Variants in IL1RAPL1 observed in about 807,000 individuals in gnomAD.
IL1RAPL1 encodes the protein interleukin 1 receptor accessory protein like 1.
In IL1RAPL1, 3 loss-of-function variants were observed where a neutral mutation model predicts 48.4. That is an observed-to-expected ratio of 0.06 (90% CI 0.03 to 0.16). IL1RAPL1 has a LOEUF of 0.16. Ranked by LOEUF, IL1RAPL1 falls within the 10% of genes least tolerant of loss-of-function variation. The probability of loss-of-function intolerance (pLI) is 1.00; values close to 1 mark genes in which losing one functional copy is unlikely to be tolerated. For synonymous variants in IL1RAPL1, 185 were observed against 187.7 expected, an observed-to-expected ratio of 0.99 and a Z score of 0.12; for missense variants, 349 against 530.6, an observed-to-expected ratio of 0.66 and a Z score of 3.36.
intron 2 of IL1RAPL1, among the ~76,000 whole-genome samples, chrX:28,999,238 TCACA>T (rs894669845): frequency 9.0e-6 from 1 of 111,360 alleles, no homozygotes; most frequent in Non-Finnish European, 1.9e-5. Flanking sequence ...ACACACACAC[TCACA>T]CACACAGAAT....
At chrX:29,069,524 A>T (rs1029630285) in intron 2 of IL1RAPL1, among the ~76,000 whole-genome samples, 5 of 109,259 alleles carry the variant, frequency 4.6e-5, no homozygotes, top group African/African-American at 1.7e-4. Context: ...TTCCTAATCC[A>T]TTATTTTGTT....
At chrX:29,013,845 C>A (rs1254409095) in intron 2 of IL1RAPL1, among the ~76,000 whole-genome samples, 9 of 110,378 alleles carry the variant, frequency 8.2e-5, no homozygotes, top group African/African-American at 3.0e-4. Flanking sequence ...ACCTGCACAT[C>A]CTGCACATGT....
chrX:28,830,323 G>A (rs1921013874), intron 2 of IL1RAPL1, among the ~76,000 whole-genome samples: 1 of 111,631 alleles, frequency 9.0e-6, no homozygotes, highest in African/African-American at 3.3e-5. Flanking sequence ...ACTTGTTACA[G>A]GTCTATTTAC....
At chrX:29,094,654 A>C (rs1257694934) in intron 2 of IL1RAPL1, among the ~76,000 whole-genome samples, 2 of 101,752 alleles carry the variant, frequency 2.0e-5, no homozygotes, top group Non-Finnish European at 4.0e-5. Flanking sequence ...ACCTGTAATC[A>C]TAGCTACTCG....
chrX:29,043,999 G>A (rs766445324), intron 2 of IL1RAPL1, among the ~76,000 whole-genome samples: 3 of 111,806 alleles, frequency 2.7e-5, no homozygotes, highest in Non-Finnish European at 5.6e-5. Context: ...GCTCCCCTGG[G>A]TTATAGCAAT....
intron 5 of IL1RAPL1, among the ~76,000 whole-genome samples, chrX:29,659,381 A>G (rs753453649): frequency 8.9e-6 from 1 of 111,909 alleles, no homozygotes; most frequent in African/African-American, 3.3e-5. Flanking sequence ...ACAGATTTTC[A>G]TACTATTTTA....
At chrX:28,970,381 T>C (rs1925040797) in intron 2 of IL1RAPL1, among the ~76,000 whole-genome samples, 1 of 112,593 alleles carries the variant, frequency 8.9e-6, no homozygotes, top group Non-Finnish European at 1.9e-5. Context: ...GATTTAGAAA[T>C]GAACAAAATG....
intron 5 of IL1RAPL1, among the ~76,000 whole-genome samples, chrX:29,405,429 G>C (rs1409281924): frequency 2.1e-5 from 2 of 95,705 alleles, no homozygotes; most frequent in African/African-American, 4.9e-5. Context: ...TGCAGTGGCG[G>C]GATCTCGGCT....
chrX:29,339,106 A>ACACACACACACACG (rs1191440275), intron 3 of IL1RAPL1, among the ~76,000 whole-genome samples: 1 of 109,950 alleles, frequency 9.1e-6, no homozygotes, highest in Non-Finnish European at 1.9e-5. Flanking sequence ...ACACACACAC[A>ACACACACACACACG]CACACACGCA....
At chrX:29,736,075 A>G (rs765326226) in intron 6 of IL1RAPL1, among the ~76,000 whole-genome samples, 2 of 112,660 alleles carry the variant, frequency 1.8e-5, no homozygotes, top group African/African-American at 6.4e-5. Flanking sequence ...AAGAAAACCT[A>G]TGAGAACACT....
At position 29,955,313 on chromosome X, in the gene IL1RAPL1, G is replaced by A; in HGVS notation, c.1584G>A (p.Lys528=). The A allele has an allele frequency of 1.7e-6, 2 of 1,211,300 alleles. No homozygotes were observed. Among genetic ancestry groups the A allele is most frequent in the Non-Finnish European group, 2.2e-6 (2 of 895,161 alleles). The change falls in exon 11 of 11, where the codon AAG becomes AAA. Residue 528 remains lysine (K), a synonymous_variant. Transcript: ENST00000378993. ...IMNYQEVEAL[K]HTIKLLTVIK... ...ACTACCAGGAGGTGGAGGCCCTGAA[G>A]CACACCATCAAGCTCCTGACGGTCA...
At chrX:29,011,165 C>T (rs1926113251) in intron 2 of IL1RAPL1, among the ~76,000 whole-genome samples, 1 of 111,601 alleles carries the variant, frequency 9.0e-6, no homozygotes, top group Non-Finnish European at 1.9e-5. Flanking sequence ...GGGACCAACT[C>T]TTTGTGCGGA....
chrX:29,802,800 T>TGTATAC (rs1378006953), intron 6 of IL1RAPL1, among the ~76,000 whole-genome samples: 17 of 65,662 alleles, frequency 2.6e-4, no homozygotes, highest in African/African-American at 1.4e-3. Flanking sequence ...TGTATATATA[T>TGTATAC]ATATATATAT....
At chrX:29,524,835 C>T (rs1407153746) in intron 5 of IL1RAPL1, among the ~76,000 whole-genome samples, 1 of 112,223 alleles carries the variant, frequency 8.9e-6, no homozygotes, top group African/African-American at 3.2e-5. Context: ...CCATTAAAGA[C>T]AGATCTCTGC....
chrX:29,183,647 AG>A (rs77002115), intron 2 of IL1RAPL1, among the ~76,000 whole-genome samples: 5,536 of 111,908 alleles, frequency 0.049, 131 homozygotes, highest in African/African-American at 0.093. Context: ...CTACTGAATG[AG>A]ATGCCCTCCT....
At chrX:28,679,255 G>A (rs769459398) in intron 1 of IL1RAPL1, among the ~76,000 whole-genome samples, 5 of 111,757 alleles carry the variant, frequency 4.5e-5, no homozygotes, top group Non-Finnish European at 7.5e-5. Context: ...CTTCTTTAGA[G>A]AAATATCTAT....
intron 1 of IL1RAPL1, among the ~76,000 whole-genome samples, chrX:28,604,889 TCTTTATCATA>T (rs1486928679): frequency 9.0e-6 from 1 of 111,190 alleles, no homozygotes; most frequent in African/African-American, 3.3e-5. Flanking sequence ...CAATATTCCA[TCTTTATCATA>T]CTTGACCTGT....
intron 2 of IL1RAPL1, among the ~76,000 whole-genome samples, chrX:29,260,902 A>AAT (rs1253169914): frequency 9.3e-6 from 1 of 107,641 alleles, no homozygotes; most frequent in Admixed American, 1.0e-4. Context: ...CAGTAAAAAT[A>AAT]ATATAGTAAA....
chrX:29,665,600 A>G (rs1925977652), intron 5 of IL1RAPL1, among the ~76,000 whole-genome samples: 1 of 111,020 alleles, frequency 9.0e-6, no homozygotes, highest in South Asian at 3.7e-4. Flanking sequence ...AAAATTGGTC[A>G]CCCTCAAGTG....
Sources: allele counts gnomAD v4.1 joint callset (sites outside exome capture counted in the v4.1 genomes callset), GRCh38; gene constraint gnomAD v4.1.1; transcripts MANE v1.5; gene names NCBI Gene and HGNC (gene_info 2026-07-23, HGNC 2026-07-21).